Variants in POLR3B observed in about 807,000 individuals in gnomAD.
POLR3B encodes the protein RNA polymerase III subunit B.
POLR3B carries 96 observed loss-of-function variants against 147.4 expected under a neutral mutation model. The observed-to-expected ratio is 0.65, with a 90% CI of 0.55 to 0.77. The LOEUF is 0.77. Ranked by LOEUF, POLR3B falls within the 30% of genes least tolerant of loss-of-function variation. The pLI, the probability that POLR3B is intolerant of heterozygous loss-of-function variation, is 0.00. For missense variants in POLR3B, 1,036 were observed against 1,413.5 expected (o/e 0.73, Z 4.28); for synonymous variants, 461 against 485.9 (o/e 0.95, Z 0.67).
At chr12:106,507,455 G>C (rs934127031) in intron 27 of POLR3B, among the ~76,000 whole-genome samples, 8 of 152,156 alleles carry the variant, frequency 5.3e-5, no homozygotes, top group Non-Finnish European at 1.0e-4. Context: ...TAATGTACTA[G>C]TCAGGAGAAG....
intron 18 of POLR3B, among the ~76,000 whole-genome samples, chr12:106,443,741 G>A (rs2037685274): frequency 6.6e-6 from 1 of 152,070 alleles, no homozygotes; most frequent in Non-Finnish European, 1.5e-5. Flanking sequence ...GGCTGGTCTC[G>A]ACCTACTGAC....
At chr12:106,480,000 G>GTT (rs36096330) in intron 23 of POLR3B, among the ~76,000 whole-genome samples, 33,872 of 144,786 alleles carry the variant, frequency 0.23, 4,220 homozygotes, top group African/African-American at 0.32. Context: ...TTGTTTTTGG[G>GTT]TTTTTTTTTT....
At chr12:106,425,732 G>T (rs936952398) in intron 12 of POLR3B, among the ~76,000 whole-genome samples, 1 of 152,164 alleles carries the variant, frequency 6.6e-6, no homozygotes, top group African/African-American at 2.4e-5. Context: ...TTCTGAACTT[G>T]TGTGGCAGTC....
At chr12:106,382,222 T>C (rs1392850267) in intron 9 of POLR3B, among the ~76,000 whole-genome samples, 1 of 152,176 alleles carries the variant, frequency 6.6e-6, no homozygotes, top group Non-Finnish European at 1.5e-5. Flanking sequence ...TCACTGTGGG[T>C]CGAACACCTC....
chr12:106,372,545 T>TAAACCA (rs2036622601), intron 6 of POLR3B, among the ~76,000 whole-genome samples: 1 of 152,028 alleles, frequency 6.6e-6, no homozygotes, highest in Non-Finnish European at 1.5e-5. Context: ...TTCACCACGT[T>TAAACCA]GGCCAGGCTG....
chr12:106,385,068 C>G (rs1432142629), intron 9 of POLR3B, among the ~76,000 whole-genome samples: 1 of 152,126 alleles, frequency 6.6e-6, no homozygotes, highest in Non-Finnish European at 1.5e-5. Context: ...GTGTGATCCT[C>G]CCGCCTTGGC....
intron 10 of POLR3B, among the ~76,000 whole-genome samples, chr12:106,404,962 T>G (rs2037129711): frequency 6.6e-6 from 1 of 152,196 alleles, no homozygotes; most frequent in Admixed American, 6.6e-5. Flanking sequence ...GATAGTTGTT[T>G]CAACACCATT....
chr12:106,436,518 A>G (rs1040154870), intron 16 of POLR3B, among the ~76,000 whole-genome samples: 5 of 152,188 alleles, frequency 3.3e-5, no homozygotes, highest in African/African-American at 9.7e-5. Context: ...TAGCTCAGTG[A>G]TGTTTAGACT....
At chr12:106,408,682 C>T (rs2037181367) in intron 11 of POLR3B, among the ~76,000 whole-genome samples, 1 of 152,162 alleles carries the variant, frequency 6.6e-6, no homozygotes, top group South Asian at 2.1e-4. Context: ...GTTTGTTAGT[C>T]CTTTTTTCTC....
At chr12:106,425,904 C>T (rs2037427879) in intron 12 of POLR3B, among the ~76,000 whole-genome samples, 3 of 152,022 alleles carry the variant, frequency 2.0e-5, no homozygotes, top group Admixed American at 2.0e-4. Context: ...GGAATCATGC[C>T]ATATATATGT....
rs573148861 is a variant in POLR3B at position 106,500,273 on chromosome 12, T to C, written c.2985-1050T>C. On this transcript the variant is annotated intron_variant, in intron 25 of 27. Coordinates refer to ENST00000228347, the MANE Select transcript of POLR3B (RefSeq NM_018082.6). ...CTTGCTCCAGATTAATGAGAAAAGG[T>C]TTCTTCTGTCAAAGTACTTATATAT... is the stretch of plus-strand genomic sequence containing the variant. The C allele has an allele frequency of 1.2e-5, 5 of 419,794 alleles. No individual in the cohort carries two copies. The East Asian group carries it at 3.5e-4, about 29-fold the overall frequency. The allele number at this position is 419,794 out of a possible 1,614,324, so 26.0% of individuals were successfully genotyped here.
intron 23 of POLR3B, among the ~76,000 whole-genome samples, chr12:106,487,532 G>A (rs1042687789): frequency 6.6e-6 from 1 of 152,174 alleles, no homozygotes; most frequent in Non-Finnish European, 1.5e-5. Flanking sequence ...ACATGGCCCT[G>A]CAGATTGTCT....
At chr12:106,498,090 T>A (rs542347028) in intron 25 of POLR3B, among the ~76,000 whole-genome samples, 16 of 152,248 alleles carry the variant, frequency 1.1e-4, no homozygotes, top group African/African-American at 3.4e-4. Context: ...TACATATAGC[T>A]CTCACCAAAA....
intron 9 of POLR3B, among the ~76,000 whole-genome samples, chr12:106,387,131 T>TA (rs2036851227): frequency 6.6e-6 from 1 of 152,256 alleles, no homozygotes; most frequent in Non-Finnish European, 1.5e-5. Context: ...GAAAGCCACT[T>TA]AAAAGTATAT....
At chr12:106,485,357 G>A (rs1010723631) in intron 23 of POLR3B, among the ~76,000 whole-genome samples, 3 of 152,072 alleles carry the variant, frequency 2.0e-5, no homozygotes, top group Non-Finnish European at 2.9e-5. Flanking sequence ...GTTTTTGTGG[G>A]TACATACAAA....
chr12:106,362,193 G>C (rs2036480303), intron 1 of POLR3B, among the ~76,000 whole-genome samples: 1 of 152,144 alleles, frequency 6.6e-6, no homozygotes, highest in African/African-American at 2.4e-5. Context: ...ACTGGGGCAA[G>C]GTTTCCAGTC....
chr12:106,358,303 C>T, intron 1 of POLR3B: 1 of 1,190,716 alleles, frequency 8.4e-7, no homozygotes, highest in Non-Finnish European at 1.1e-6. Flanking sequence ...GACACGGGGC[C>T]AGGGAGCTCA....
At chr12:106,453,309 G>A (rs568330421) in intron 19 of POLR3B, among the ~76,000 whole-genome samples, 1 of 152,204 alleles carries the variant, frequency 6.6e-6, no homozygotes, top group South Asian at 2.1e-4. Context: ...ACCACGCCCA[G>A]CCTGAATAGC....
At chr12:106,436,976 C>A (rs1419794380) in intron 16 of POLR3B, 81 bp from the exon 17 acceptor site, 8 of 1,023,652 alleles carry the variant, frequency 7.8e-6, no homozygotes, top group Non-Finnish European at 1.2e-5. Flanking sequence ...CATCTTCCCT[C>A]ATCTCACTTT....
Sources: allele counts gnomAD v4.1 joint callset (sites outside exome capture counted in the v4.1 genomes callset), GRCh38; gene constraint gnomAD v4.1.1; transcripts MANE v1.5; gene names NCBI Gene and HGNC (gene_info 2026-07-23, HGNC 2026-07-21).